Variants in MECOM observed in about 807,000 individuals in gnomAD.
The protein encoded by MECOM is MDS1 and EVI1 complex locus, also known as histone-lysine N-methyltransferase MECOM.
MECOM carries 13 observed loss-of-function variants against 116.3 expected under a neutral mutation model. That is an observed-to-expected ratio of 0.11 (90% CI 0.07 to 0.18). The LOEUF is 0.18. MECOM is among the 10% of genes least tolerant of loss of function. The pLI, the probability that MECOM is intolerant of heterozygous loss-of-function variation, is 1.00. For missense variants in MECOM, 1,299 were observed against 1,509.0 expected (o/e 0.86, Z 2.31); for synonymous variants, 528 against 535.2 (o/e 0.99, Z 0.19).
chr3:169,155,258 C>T (rs541838945), intron 2 of MECOM, among the ~76,000 whole-genome samples: 1 of 152,260 alleles, frequency 6.6e-6, no homozygotes, highest in South Asian at 2.1e-4. Flanking sequence ...GGAATTCCTA[C>T]CACTGCTGCC....
intron 2 of MECOM, among the ~76,000 whole-genome samples, chr3:169,231,802 T>C (rs1753439407): frequency 6.6e-6 from 1 of 152,150 alleles, no homozygotes; most frequent in African/African-American, 2.4e-5. Flanking sequence ...ATATTATTTC[T>C]TAAAGCAAGT....
intron 1 of MECOM, among the ~76,000 whole-genome samples, chr3:169,567,405 T>C (rs957253415): frequency 2.0e-5 from 3 of 152,230 alleles, no homozygotes; most frequent in African/African-American, 7.2e-5. Context: ...AAGACTCTTT[T>C]AATTCAAAGG....
chr3:169,524,039 A>AATAT (rs10575336), intron 1 of MECOM, among the ~76,000 whole-genome samples: 3,976 of 138,100 alleles, frequency 0.029, 54 homozygotes, highest in South Asian at 0.069. Flanking sequence ...TATATGAATA[A>AATAT]ATATATATAT....
intron 1 of MECOM, among the ~76,000 whole-genome samples, chr3:169,411,869 T>C (rs1001023016): frequency 6.6e-6 from 1 of 152,110 alleles, no homozygotes; most frequent in African/African-American, 2.4e-5. Context: ...TGCATGCCTG[T>C]GATCCCAGCT....
intron 2 of MECOM, among the ~76,000 whole-genome samples, chr3:169,261,041 T>C (rs1757466738): frequency 6.6e-6 from 1 of 152,164 alleles, no homozygotes; most frequent in Non-Finnish European, 1.5e-5. Flanking sequence ...TCTAAGTAGT[T>C]GGTTTATTCA....
At chr3:169,202,821 A>G (rs1749353800) in intron 2 of MECOM, among the ~76,000 whole-genome samples, 1 of 50,270 alleles carries the variant, frequency 2.0e-5, no homozygotes, top group East Asian at 1.0e-3. Context: ...GCCATTAGCA[A>G]AAAAAAAAAA....
chr3:169,213,078 A>T lies in MECOM; in HGVS notation c.376-69246T>A, dbSNP rs755800289. Among the ~76,000 whole-genome samples the T allele has an allele frequency of 6.1e-3, 698 of 114,000 alleles. 5 individuals are homozygous for T. The highest frequency in any genetic ancestry group is 9.0e-3 in the Non-Finnish European group (441 of 48,964). 74.8% of individuals were successfully genotyped at this position (114,000 alleles called of 152,430 possible). On this transcript the variant is annotated intron_variant, in intron 2 of 16. Transcript: ENST00000651503. ...TTGTTACTTCCTCTCTTTCTTTTTTATTTTTTTTAATACTTTTCACTATTT... is the reference window on the plus strand; with the variant it reads ...TTGTTACTTCCTCTCTTTCTTTTTTTTTTTTTTTAATACTTTTCACTATTT...
chr3:169,541,738 T>G (rs1760087360), intron 1 of MECOM, among the ~76,000 whole-genome samples: 2 of 152,074 alleles, frequency 1.3e-5, no homozygotes, highest in South Asian at 4.1e-4. Flanking sequence ...TCTGCTGCAT[T>G]GTCCTGGCCA....
At chr3:169,121,763 A>C (rs2064315158) in intron 6 of MECOM, among the ~76,000 whole-genome samples, 1 of 152,218 alleles carries the variant, frequency 6.6e-6, no homozygotes, top group African/African-American at 2.4e-5. Context: ...AAACATCCCT[A>C]AAGAAATTTC....
intron 2 of MECOM, among the ~76,000 whole-genome samples, chr3:169,271,873 G>A (rs937099438): frequency 1.1e-4 from 17 of 152,016 alleles, no homozygotes; most frequent in African/African-American, 4.1e-4. Context: ...CTAACATTCC[G>A]AGACCAGCCA....
At chr3:169,518,368 G>A (rs9814393) in intron 1 of MECOM, among the ~76,000 whole-genome samples, 75,623 of 151,868 alleles carry the variant, frequency 0.5, 20,556 homozygotes, top group African/African-American at 0.72. Context: ...ATAAGATGTC[G>A]GCTAGCCAAA....
chr3:169,638,577 A>G (rs1325771908), intron 1 of MECOM, among the ~76,000 whole-genome samples: 1 of 152,206 alleles, frequency 6.6e-6, no homozygotes, highest in Non-Finnish European at 1.5e-5. Context: ...TTTTCAAGTA[A>G]TACATGGACT....
intron 1 of MECOM, among the ~76,000 whole-genome samples, chr3:169,503,112 T>G (rs1053836615): frequency 6.6e-6 from 1 of 152,192 alleles, no homozygotes; most frequent in Non-Finnish European, 1.5e-5. Flanking sequence ...AGTGTCAATA[T>G]CCCATTTTAG....
intron 1 of MECOM, among the ~76,000 whole-genome samples, chr3:169,580,016 G>A (rs1240033957): frequency 6.6e-6 from 1 of 152,124 alleles, no homozygotes; most frequent in Admixed American, 6.5e-5. Flanking sequence ...TGAGCAACTC[G>A]TCACCTGCTA....
At position 169,095,155 on chromosome 3, in the gene MECOM, A is replaced by G. The variant is rs1379047485; in HGVS notation, c.2940T>C (p.Cys980=). 9 of 1,613,594 alleles carry G rather than the reference A, an allele frequency of 5.6e-6. No individual in the cohort carries two copies. In the East Asian group the frequency reaches 2.0e-4, roughly 36 times the overall value. ...GACCAAAACACCTATCACATAAGTG[A>G]CACTTAAATGGCTTCTCTTTATTGT... The part of the protein sequence containing the change: ...NIHNKEKPFK[C]HLCDRCFGQQ... Residue 980 remains cysteine (C), a synonymous_variant, in exon 13 of 17, where the codon TGT becomes TGC. Transcript: ENST00000651503.
intron 2 of MECOM, among the ~76,000 whole-genome samples, chr3:169,155,663 A>C (rs1741855092): frequency 6.6e-6 from 1 of 152,188 alleles, no homozygotes; most frequent in South Asian, 2.1e-4. Flanking sequence ...AAAGCCCCTA[A>C]TCCAAAATGC....
chr3:169,609,225 A>G (rs1004085374), intron 1 of MECOM, among the ~76,000 whole-genome samples: 8 of 152,132 alleles, frequency 5.3e-5, no homozygotes, highest in African/African-American at 1.7e-4. Context: ...CTTGCAGTCA[A>G]TGGAGCCTCC....
intron 1 of MECOM, among the ~76,000 whole-genome samples, chr3:169,567,971 G>A (rs961359684): frequency 2.0e-5 from 3 of 152,296 alleles, no homozygotes; most frequent in East Asian, 1.9e-4. Flanking sequence ...AGCTCCCAGC[G>A]AGATCAATGC....
intron 1 of MECOM, among the ~76,000 whole-genome samples, chr3:169,626,527 C>T (rs767811915): frequency 6.6e-6 from 1 of 152,314 alleles, no homozygotes; most frequent in African/African-American, 2.4e-5. Context: ...CGACTGATCT[C>T]ATTAGAACAC....
Sources: allele counts gnomAD v4.1 joint callset (sites outside exome capture counted in the v4.1 genomes callset), GRCh38; gene constraint gnomAD v4.1.1; transcripts MANE v1.5; gene names NCBI Gene and HGNC (gene_info 2026-07-23, HGNC 2026-07-21).